Variants in KCTD8 observed in about 807,000 individuals in gnomAD.
KCTD8 encodes BTB/POZ domain-containing protein KCTD8.
A neutral mutation model predicts 31.5 loss-of-function variants in KCTD8; 27 were observed. That is an observed-to-expected ratio of 0.86 (90% CI 0.63 to 1.18). The LOEUF (loss-of-function observed/expected upper bound fraction) is 1.18, where lower values mean the gene tolerates loss of function less well. Ranked by LOEUF, KCTD8 falls within the 50% of genes most tolerant of loss-of-function variation. KCTD8 has a pLI of 0.00. For missense variants in KCTD8, 658 were observed against 647.7 expected (o/e 1.02, Z -0.17); for synonymous variants, 290 against 280.0 (o/e 1.04, Z -0.36).
At chr4:44,191,006 G>C (rs1000129215) in intron 1 of KCTD8, among the ~76,000 whole-genome samples, 8 of 152,198 alleles carry the variant, frequency 5.3e-5, no homozygotes, top group Non-Finnish European at 1.2e-4. Flanking sequence ...AACACTTAAT[G>C]CTGTTGTGGG....
intron 1 of KCTD8, among the ~76,000 whole-genome samples, chr4:44,349,088 CACCACCACT>C (rs1353328617): frequency 2.5e-4 from 33 of 134,178 alleles, no homozygotes; most frequent in South Asian, 4.5e-4. Flanking sequence ...CCACCACCAC[CACCACCACT>C]ACCACCAATG....
intron 1 of KCTD8, among the ~76,000 whole-genome samples, chr4:44,423,471 C>T (rs552570879): frequency 1.3e-5 from 2 of 152,106 alleles, no homozygotes; most frequent in Non-Finnish European, 2.9e-5. Flanking sequence ...CATTAACTGA[C>T]ACAGCTGTGA....
At chr4:44,417,818 G>A (rs926163363) in intron 1 of KCTD8, among the ~76,000 whole-genome samples, 1 of 152,070 alleles carries the variant, frequency 6.6e-6, no homozygotes, top group African/African-American at 2.4e-5. Context: ...CACAACAGAA[G>A]GACTAAATAA....
At chr4:44,425,204 T>G (rs1403343032) in intron 1 of KCTD8, among the ~76,000 whole-genome samples, 2 of 152,050 alleles carry the variant, frequency 1.3e-5, no homozygotes, top group Non-Finnish European at 2.9e-5. Flanking sequence ...CCTAGCAAAC[T>G]AATACACTCC....
chr4:44,360,559 G>A (rs1719468993), intron 1 of KCTD8, among the ~76,000 whole-genome samples: 1 of 152,030 alleles, frequency 6.6e-6, no homozygotes, highest in Non-Finnish European at 1.5e-5. Flanking sequence ...TAAGGAACAA[G>A]TGTTTTCTTA....
chr4:44,402,620 G>C (rs534553649), intron 1 of KCTD8, among the ~76,000 whole-genome samples: 2 of 152,024 alleles, frequency 1.3e-5, no homozygotes, highest in Admixed American at 6.6e-5. Context: ...GTCCTGGGGG[G>C]GCCCTAGAAA....
intron 1 of KCTD8, among the ~76,000 whole-genome samples, chr4:44,363,807 G>A (rs1719562113): frequency 6.6e-6 from 1 of 152,050 alleles, no homozygotes; most frequent in Admixed American, 6.6e-5. Flanking sequence ...TCAGTAACAT[G>A]GGGGTTGGTT....
chr4:44,298,115 G>T (rs1447153123), intron 1 of KCTD8, among the ~76,000 whole-genome samples: 2 of 152,214 alleles, frequency 1.3e-5, no homozygotes, highest in East Asian at 3.9e-4. Context: ...AATGATAATT[G>T]TAATGAAAAA....
chr4:44,278,344 T>C (rs60550460), intron 1 of KCTD8, among the ~76,000 whole-genome samples: 72 of 152,164 alleles, frequency 4.7e-4, no homozygotes, highest in Middle Eastern at 3.4e-3. Context: ...TTTCCACTTA[T>C]CCTTTCCTAA....
chr4:44,283,857 T>C (rs2109380594), intron 1 of KCTD8, among the ~76,000 whole-genome samples: 1 of 152,272 alleles, frequency 6.6e-6, no homozygotes, highest in South Asian at 2.1e-4. Flanking sequence ...AGCCAAATCA[T>C]GAGTGAACTC....
At chr4:44,299,602 C>A (rs1198447344) in intron 1 of KCTD8, among the ~76,000 whole-genome samples, 1 of 151,048 alleles carries the variant, frequency 6.6e-6, no homozygotes, top group African/African-American at 2.4e-5. Flanking sequence ...GTGGCAAGTG[C>A]CTGTATTCTC....
At chr4:44,369,813 T>C (rs925095232) in intron 1 of KCTD8, among the ~76,000 whole-genome samples, 6 of 146,724 alleles carry the variant, frequency 4.1e-5, no homozygotes, top group African/African-American at 7.5e-5. Context: ...AATATAAAAA[T>C]AAAAAAAAAA....
At chr4:44,321,940 T>C (rs1161372578) in intron 1 of KCTD8, among the ~76,000 whole-genome samples, 1 of 151,230 alleles carries the variant, frequency 6.6e-6, no homozygotes, top group Non-Finnish European at 1.5e-5. Flanking sequence ...TTTTATTCTT[T>C]CTATGGCTGA....
intron 1 of KCTD8, among the ~76,000 whole-genome samples, chr4:44,409,599 A>G (rs368955977): frequency 6.6e-6 from 1 of 152,200 alleles, no homozygotes; most frequent in Non-Finnish European, 1.5e-5. Context: ...CACAAAAATA[A>G]TCATTTTAAG....
At chr4:44,348,683 CAT>C (rs577418780) in intron 1 of KCTD8, among the ~76,000 whole-genome samples, 31 of 152,298 alleles carry the variant, frequency 2.0e-4, no homozygotes, top group South Asian at 6.2e-4. Flanking sequence ...AGTCTACACA[CAT>C]GATTCCAGAT....
chr4:44,408,173 G>A (rs144431645), intron 1 of KCTD8, among the ~76,000 whole-genome samples: 610 of 152,270 alleles, frequency 4.0e-3, no homozygotes, highest in Non-Finnish European at 7.2e-3. Flanking sequence ...CAATACAGGA[G>A]AAAATACTGC....
At chr4:44,298,451 A>G (rs1180336426) in intron 1 of KCTD8, among the ~76,000 whole-genome samples, 1 of 150,544 alleles carries the variant, frequency 6.6e-6, no homozygotes, top group Non-Finnish European at 1.5e-5. Context: ...ATTAACTAAG[A>G]TGAACTGGGG....
chr4:44,201,317 C>T (rs1176273161), intron 1 of KCTD8, among the ~76,000 whole-genome samples: 3 of 151,900 alleles, frequency 2.0e-5, no homozygotes, highest in Admixed American at 2.0e-4. Context: ...TTCTAAAATT[C>T]ATATGGAACC....
rs200129471 is a variant in KCTD8, at chr4:44,397,006, AG to A, written c.961+50556del. Among the ~76,000 whole-genome samples the A allele has an allele frequency of 2.9e-3, 436 of 152,264 alleles. 10 individuals are homozygous for A. Among genetic ancestry groups the A allele is most frequent in the Admixed American group, 0.026 (392 of 15,274 alleles). On this transcript the variant is annotated intron_variant, in intron 1 of 1. Coordinates refer to ENST00000360029, the MANE Select transcript of KCTD8 (RefSeq NM_198353.3). ...CAAAGCTAAAAGGAGCCTGGCTTCT[AG>A]GGACACTAGGACCTCAATAACATTC...
Sources: allele counts gnomAD v4.1 joint callset (sites outside exome capture counted in the v4.1 genomes callset), GRCh38; gene constraint gnomAD v4.1.1; transcripts MANE v1.5; gene names NCBI Gene and HGNC (gene_info 2026-07-23, HGNC 2026-07-21).